The following PKD2L2 variants were observed in gnomAD, a reference collection of about 807,000 sequenced individuals.
The protein encoded by PKD2L2 is polycystin 2 like 2, transient receptor potential cation channel, also known as polycystin-2-like protein 2.
A neutral mutation model predicts 83.9 loss-of-function variants in PKD2L2; 67 were observed. The observed-to-expected ratio is 0.80, with a 90% CI of 0.66 to 0.98. The LOEUF (loss-of-function observed/expected upper bound fraction) is 0.98, where lower values mean the gene tolerates loss of function less well. Among genes scored for constraint, PKD2L2 ranks in the 50% least tolerant of loss-of-function variants. The pLI is 0.00. For synonymous variants in PKD2L2, 223 were observed against 237.8 expected (o/e 0.94, Z 0.57); for missense variants, 632 against 717.2 (o/e 0.88, Z 1.36).
At chr5:137,918,938 T>A (rs2150040458) in intron 8 of PKD2L2, among the ~76,000 whole-genome samples, 1 of 148,336 alleles carries the variant, frequency 6.7e-6, no homozygotes, top group Admixed American at 6.8e-5. Flanking sequence ...GTCCAGGGCC[T>A]GCACAATGTG....
At chr5:137,937,226 C>G (rs73790092) in intron 14 of PKD2L2, among the ~76,000 whole-genome samples, 3,373 of 152,288 alleles carry the variant, frequency 0.022, 106 homozygotes, top group African/African-American at 0.076. Flanking sequence ...TTGAAGCCTT[C>G]TGGAAAAAGC....
At chr5:137,897,578 T>C (rs555610337) in intron 4 of PKD2L2, among the ~76,000 whole-genome samples, 46 of 152,324 alleles carry the variant, frequency 3.0e-4, no homozygotes, top group African/African-American at 1.1e-3. Context: ...TGAATTAATA[T>C]CTGTTAATCC....
At chr5:137,934,831 C>A (rs1256596000) in intron 12 of PKD2L2, among the ~76,000 whole-genome samples, 1 of 151,518 alleles carries the variant, frequency 6.6e-6, no homozygotes, top group African/African-American at 2.4e-5. Context: ...TGCAGTGAGC[C>A]GAGATCGTGC....
At chr5:137,930,182 C>T (rs185905698) in intron 12 of PKD2L2, among the ~76,000 whole-genome samples, 63 of 152,038 alleles carry the variant, frequency 4.1e-4, no homozygotes, top group African/African-American at 1.4e-3. Context: ...CAGAAAATAC[C>T]CCTCCTTTTT....
At chr5:137,908,637 C>A in intron 7 of PKD2L2, 128 bp from the exon 8 acceptor site, 2 of 561,818 alleles carry the variant, frequency 3.6e-6, no homozygotes, top group Non-Finnish European at 6.1e-6. Context: ...GCTGGGAAAT[C>A]CTCAAACACC....
intron 9 of PKD2L2, among the ~76,000 whole-genome samples, chr5:137,922,898 C>A (rs1759042417): frequency 6.6e-6 from 1 of 152,166 alleles, no homozygotes; most frequent in South Asian, 2.1e-4. Flanking sequence ...TACCCACACA[C>A]TACACATTTT....
intron 12 of PKD2L2, among the ~76,000 whole-genome samples, chr5:137,929,983 T>C (rs1368671421): frequency 6.6e-6 from 1 of 152,152 alleles, no homozygotes; most frequent in Non-Finnish European, 1.5e-5. Flanking sequence ...AGATTAATTT[T>C]ATCAGTTATG....
intron 5 of PKD2L2, among the ~76,000 whole-genome samples, chr5:137,901,414 A>G (rs894767413): frequency 6.6e-6 from 1 of 151,700 alleles, no homozygotes; most frequent in South Asian, 2.1e-4. Context: ...TATTCTGGAA[A>G]AAAAAAAATG....
intron 4 of PKD2L2, among the ~76,000 whole-genome samples, chr5:137,896,097 A>G (rs1561675790): frequency 6.6e-6 from 1 of 151,962 alleles, no homozygotes; most frequent in African/African-American, 2.4e-5. Context: ...AAATCGCTTG[A>G]ACCCAGGAGG....
chr5:137,904,540 T>A (rs979929214), intron 5 of PKD2L2, among the ~76,000 whole-genome samples: 6 of 152,084 alleles, frequency 3.9e-5, no homozygotes, highest in African/African-American at 7.2e-5. Context: ...ATACTGCATG[T>A]TCTCATAAGT....
At chr5:137,894,162 C>G (rs1432668425) in intron 3 of PKD2L2, among the ~76,000 whole-genome samples, 191 bp from the exon 4 acceptor site, 1 of 152,172 alleles carries the variant, frequency 6.6e-6, no homozygotes, top group Non-Finnish European at 1.5e-5. Context: ...AGAGCAGTGC[C>G]TAGTACACAG....
chr5:137,916,851 A>C (rs1431473174), intron 8 of PKD2L2, among the ~76,000 whole-genome samples: 2 of 152,000 alleles, frequency 1.3e-5, no homozygotes, highest in Non-Finnish European at 2.9e-5. Context: ...TTCTGATGAG[A>C]AATATGCTGA....
rs557098290 is a variant in PKD2L2 at position 137,907,357 on chromosome 5, T to C, written c.976-385T>C. 4.6e-5 allele frequency among the ~76,000 whole-genome samples: 7 copies of C among 152,334 alleles called. No homozygotes were observed. In the East Asian group the frequency reaches 7.7e-4, roughly 17 times the overall value. On this transcript the variant is annotated intron_variant, in intron 6 of 14. Transcript: ENST00000508883. ...GGTTGTTAAAAGGTTCCAGAAGGTT[T>C]TATTTTTTGTAATTGTAAATTGTTT...
intron 14 of PKD2L2, chr5:137,941,917 G>A: frequency 6.5e-7 from 1 of 1,549,970 alleles, no homozygotes; most frequent in Non-Finnish European, 8.9e-7. Flanking sequence ...GAAGAAAGAT[G>A]ACTCAATTTT....
chr5:137,892,831 G>A (rs965472201), intron 3 of PKD2L2, among the ~76,000 whole-genome samples: 16 of 152,150 alleles, frequency 1.1e-4, no homozygotes, highest in African/African-American at 3.4e-4. Flanking sequence ...TTTTTGGCCA[G>A]GCACGGTGGC....
At chr5:137,924,476 G>A (rs1759203547) in intron 10 of PKD2L2, among the ~76,000 whole-genome samples, 2 of 152,068 alleles carry the variant, frequency 1.3e-5, no homozygotes, top group African/African-American at 4.8e-5. Flanking sequence ...CCTCTTCTCA[G>A]TATCTACCTC....
Position 137,923,469 on chromosome 5 carries a change from A to G in PKD2L2, c.1499A>G (p.Asp500Gly). ...INDTYSEVKA[D>G]YSIGRRLDFE... ...GATACCTATTCTGAAGTGAAAGCTG[A>G]CTATTCAATAGGCAGAAGGCTAGAT... The change falls in exon 10 of 15, where the codon GAC (aspartate) becomes GGC (glycine). Residue 500 changes from aspartate to glycine, a missense_variant. Coordinates refer to ENST00000508883, the MANE Select transcript of PKD2L2 (RefSeq NM_001300921.2). 1.9e-6 allele frequency: 3 copies of G among 1,570,738 alleles called. No homozygotes were observed. The highest frequency in any genetic ancestry group is 2.6e-6 in the Non-Finnish European group (3 of 1,140,528).
At chr5:137,898,786 C>A (rs557867052) in intron 4 of PKD2L2, among the ~76,000 whole-genome samples, 2 of 151,012 alleles carry the variant, frequency 1.3e-5, no homozygotes, top group South Asian at 4.2e-4. Context: ...TGCTGGAGTG[C>A]GGTAGTGCAA....
At chr5:137,897,949 AAAG>A (rs1274989819) in intron 4 of PKD2L2, among the ~76,000 whole-genome samples, 8 of 152,046 alleles carry the variant, frequency 5.3e-5, no homozygotes, top group African/African-American at 1.9e-4. Context: ...TAAAAAATAA[AAAG>A]AAGAAACAAA....
Sources: gnomAD v4.1 joint callset for allele counts (sites outside exome capture counted in the v4.1 genomes callset) on GRCh38, gnomAD v4.1.1 for gene constraint, MANE v1.5 for transcripts, NCBI Gene and HGNC (gene_info 2026-07-23, HGNC 2026-07-21) for gene names.